The following PGGHG variants were observed in gnomAD, a reference collection of about 807,000 sequenced individuals.
The protein encoded by PGGHG is protein-glucosylgalactosylhydroxylysine glucosidase.
A neutral mutation model predicts 74.5 loss-of-function variants in PGGHG; 67 were observed. The ratio of observed to expected loss-of-function variants is 0.90; its 90% CI spans 0.74 to 1.10. The LOEUF is 1.10. PGGHG is among the 50% of genes least tolerant of loss of function. PGGHG has a pLI of 0.00. For missense variants in PGGHG, 1,034 were observed against 981.5 expected (o/e 1.05, Z -0.72); for synonymous variants, 496 against 419.9 (o/e 1.18, Z -2.21).
rs537453370 is a variant in PGGHG, at chr11:295,714, T to G, written c.*965T>G. 4.6e-5 allele frequency: 7 copies of G among 152,470 alleles called. No individual in the cohort carries two copies. Among genetic ancestry groups the G allele is most frequent in the African/African-American group, 1.7e-4 (7 of 41,584 alleles). 9.4% of individuals were successfully genotyped at this position (152,470 alleles called of 1,614,324 possible). A position where few individuals can be genotyped will look rare whatever the true frequency, so the allele number is the denominator to read the frequency against. ...GGAGCCGCTGTGCTTCCTTCTGAAG[T>G]GAGGGCCGTGCCCCGGGTCCCATTT... On this transcript the variant is annotated 3_prime_UTR_variant, in exon 14 of 14. Coordinates refer to ENST00000409548, the MANE Select transcript of PGGHG (RefSeq NM_025092.5).
In PGGHG at chr11:290,514, G is replaced by GT; in HGVS notation, c.384_385insT (p.Pro129SerfsTer24). On this transcript the variant is annotated frameshift_variant, in exon 3 of 14. Transcript: ENST00000409548. LOFTEE classifies it high-confidence loss of function. ...TCGCCCGCCTGGCCCCGGGGAGCGG[G>GT]CCCATCACGCTGCTCCTGCGGTCAG... 6.4e-7 allele frequency: 1 copy of GT among 1,550,480 alleles called. No individual in the cohort carries two copies. Among genetic ancestry groups the GT allele is most frequent in the Non-Finnish European group, 8.7e-7 (1 of 1,146,982 alleles).
intron 4 of PGGHG, 139 bp from the exon 5 acceptor site, chr11:291,837 G>A: frequency 2.4e-6 from 3 of 1,241,756 alleles, no homozygotes; most frequent in Non-Finnish European, 3.2e-6. Context: ...AGGTGGGGAG[G>A]GCCTGCAGAT....
chr11:293,388 G>T lies in PGGHG; in HGVS notation c.1366G>T (p.Ala456Ser). ...QNSLRFAAAL[A>S]QDLGLPIPSQ... is the part of the protein sequence containing the mutation. The stretch of plus-strand genomic sequence containing the variant: ...CAGCCTGCGCTTTGCTGCTGCCCTG[G>T]CCCAGGACCTGGGTCTTCCCATCCC... The change falls in exon 9 of 14, where the codon GCC becomes TCC. Residue 456 changes from alanine (A) to serine (S), a missense_variant. Ala to Ser is a moderately conservative substitution (Grantham distance 99). Coordinates refer to ENST00000409548, the MANE Select transcript of PGGHG (RefSeq NM_025092.5). 6.2e-7 allele frequency: 1 copy of T among 1,612,360 alleles called. No homozygotes were observed. Among genetic ancestry groups the T allele is most frequent in the East Asian group, 2.2e-5 (1 of 44,864 alleles).
Position 295,052 on chromosome 11 carries a change from G to A in PGGHG, c.*303G>A. On this transcript the variant is annotated 3_prime_UTR_variant, in exon 14 of 14. Coordinates refer to ENST00000409548, the MANE Select transcript of PGGHG (RefSeq NM_025092.5). The stretch of plus-strand genomic sequence containing the variant: ...GCTCCTGAAGCCGGGGTCTGAGCCT[G>A]CATCACCTCTGGCCTCTCATCCCCC... The A allele has an allele frequency of 3.5e-6, 1 of 283,302 alleles. No homozygotes were observed. Among genetic ancestry groups the A allele is most frequent in the Non-Finnish European group, 6.6e-6 (1 of 151,838 alleles). 17.5% of individuals were successfully genotyped at this position (283,302 alleles called of 1,614,324 possible). A position where few individuals can be genotyped will look rare whatever the true frequency, so the allele number is the denominator to read the frequency against.
In PGGHG at chr11:290,888, GTAT is replaced by G; in HGVS notation, c.682_684del (p.Tyr228del). On this transcript the variant is annotated inframe_deletion, in exon 4 of 14. Coordinates refer to ENST00000409548, the MANE Select transcript of PGGHG (RefSeq NM_025092.5). ...TGCAGCTGCAGGCCAGGGGAGCTCT[GTAT>G]ACGGCTCACGCACAGGCCTGGGCCC... The G allele has an allele frequency of 1.2e-6, 2 of 1,611,934 alleles. No individual in the cohort carries two copies. Among genetic ancestry groups the G allele is most frequent in the Non-Finnish European group, 1.7e-6 (2 of 1,179,426 alleles).
In PGGHG at chr11:293,361, T is replaced by C; in HGVS notation, c.1344-5T>C. The C allele has an allele frequency of 6.3e-7, 1 of 1,596,486 alleles. No homozygotes were observed. Among genetic ancestry groups the C allele is most frequent in the African/African-American group, 1.4e-5 (1 of 73,496 alleles). The stretch of plus-strand genomic sequence containing the variant: ...GCAGCCTCCCCCACCTACCTCCACC[T>C]CCAGCCTGCGCTTTGCTGCTGCCCT... On this transcript the variant is annotated splice_polypyrimidine_tract_variant and splice_region_variant and intron_variant, in intron 8 of 13. Transcript: ENST00000409548.
In PGGHG at chr11:294,098, G is replaced by T. The variant is rs745598015; in HGVS notation, c.1711-1G>T. On this transcript the variant is annotated splice_acceptor_variant, in intron 11 of 13. Transcript: ENST00000409548. LOFTEE classifies it high-confidence loss of function. ...GGTGTCAGCTGCCCTTGCCCCTGCA[G>T]GTGTGGACGGAGAATGCAGACGGGT... 1.2e-6 allele frequency: 2 copies of T among 1,605,294 alleles called. No individual in the cohort carries two copies. Among genetic ancestry groups the T allele is most frequent in the Non-Finnish European group, 1.7e-6 (2 of 1,175,206 alleles).
Position 289,842 on chromosome 11 carries a change from C to T in PGGHG, c.26C>T (p.Thr9Ile), listed in dbSNP as rs1257385726. MEDAGEDP[T>I]TFAAHSLPSD... ...ATGGAGGACGCCGGCGAGGACCCCA[C>T]CACGTTTGCTGCCCACTCTCTGCCC... Residue 9 changes from threonine (T) to isoleucine (I), a missense_variant, in exon 2 of 14, where the codon ACC (threonine) becomes ATC (isoleucine). Thr to Ile is a moderately conservative substitution (Grantham distance 89, BLOSUM62 -1). Coordinates refer to ENST00000409548, the MANE Select transcript of PGGHG (RefSeq NM_025092.5). This position sits in a 1 kb window ranked among gnomAD's most constrained non-coding sequence, Gnocchi z 5.6. The T allele has an allele frequency of 1.3e-6, 2 of 1,550,930 alleles. No individual in the cohort carries two copies. Among genetic ancestry groups the T allele is most frequent in the Middle Eastern group, 1.7e-4 (1 of 5,958 alleles).
At position 290,483 on chromosome 11, in the gene PGGHG, T is replaced by C. The variant is rs1456753252; in HGVS notation, c.353T>C (p.Val118Ala). The change falls in exon 3 of 14, where the codon GTG becomes GCG. Residue 118 changes from valine to alanine, a missense_variant. Coordinates refer to ENST00000409548, the MANE Select transcript of PGGHG (RefSeq NM_025092.5). ...CTGCCCCACGTGCTGGCTTTCCGAGTGTCCATCGCCCGCCTGGCCCCGGGG... is the reference window on the plus strand; with the variant it reads ...CTGCCCCACGTGCTGGCTTTCCGAGCGTCCATCGCCCGCCTGGCCCCGGGG... Reference protein sequence around the residue: ...RTLPHVLAFRVSIARLAPGSG... With the variant: ...RTLPHVLAFRASIARLAPGSG... The C allele has an allele frequency of 1.3e-6, 2 of 1,550,140 alleles. No individual in the cohort carries two copies. The highest frequency in any genetic ancestry group is 1.7e-6 in the Non-Finnish European group (2 of 1,146,928).
Position 290,008 on chromosome 11 carries a change from C to T in PGGHG, c.192C>T (p.Val64=), listed in dbSNP as rs997047059. The change falls in exon 2 of 14, where the codon GTC becomes GTT. Residue 64 remains valine, a synonymous_variant. Transcript: ENST00000409548. ...HRAMLPSPLN[V]RLEAPAGMGE... is the part of the protein sequence containing the mutation. ...CCATGCTGCCCAGCCCCCTCAACGT[C>T]CGGCTGGAGGCCCCTGCAGGGATGG... The T allele has an allele frequency of 6.5e-7, 1 of 1,547,694 alleles. No individual in the cohort carries two copies. Among genetic ancestry groups the T allele is most frequent in the Admixed American group, 2.0e-5 (1 of 50,994 alleles).
rs1845828903 is a variant in PGGHG, at chr11:294,698, G to C, written c.2163G>C (p.Leu721=). ...DPLQSPLWVT[L]GSSSPTESLT... is the part of the protein sequence containing the mutation. ...TCCAGAGCCCCCTCTGGGTCACCCT[G>C]GGTTCCTCCAGCCCCACCGAGTCAC... Residue 721 remains leucine (L), a synonymous_variant, in exon 14 of 14, where the codon CTG becomes CTC. Transcript: ENST00000409548. 1.9e-6 allele frequency: 3 copies of C among 1,612,972 alleles called. No individual in the cohort carries two copies. Among genetic ancestry groups the C allele is most frequent in the Non-Finnish European group, 2.5e-6 (3 of 1,179,696 alleles).
In PGGHG at chr11:295,107, C is replaced by T. The variant is rs1215392805; in HGVS notation, c.*358C>T. ...TCCTGAGAGCAGTGGTCACAGCGGC[C>T]GGCCGCTCTGCTGAGAAGGCAGAGA... On this transcript the variant is annotated 3_prime_UTR_variant, in exon 14 of 14. Coordinates refer to ENST00000409548, the MANE Select transcript of PGGHG (RefSeq NM_025092.5). 2.1e-5 allele frequency: 4 copies of T among 194,612 alleles called. No homozygotes were observed. Among genetic ancestry groups the T allele is most frequent in the South Asian group, 3.7e-4 (2 of 5,394 alleles). 12.1% of individuals were successfully genotyped at this position (194,612 alleles called of 1,614,324 possible). A position where few individuals can be genotyped will look rare whatever the true frequency, so the allele number is the denominator to read the frequency against.
intron 4 of PGGHG, chr11:291,574 G>T (rs1590285239): frequency 3.9e-6 from 1 of 257,376 alleles, no homozygotes. Context: ...GATGGCTGCT[G>T]GGCGTGGAGG....
chr11:294,642 G>C lies in PGGHG; in HGVS notation c.2107G>C (p.Gly703Arg). 1 of 1,552,478 alleles carries C rather than the reference G, an allele frequency of 6.4e-7. No individual in the cohort carries two copies. Among genetic ancestry groups the C allele is most frequent in the Non-Finnish European group, 8.7e-7 (1 of 1,144,742 alleles). ...LPGSSSSEFPGRTFSDVRDPL... is the reference protein window; with the variant it reads ...LPGSSSSEFPRRTFSDVRDPL... ...TGGAAGTTCCAGCTCCGAGTTCCCT[G>C]GGAGGACTTTTTCAGATGTTAGGGA... The change falls in exon 14 of 14, where the codon GGG becomes CGG. Residue 703 changes from glycine (G) to arginine (R), a missense_variant. Physicochemically the swap from Gly to Arg is moderately radical, Grantham distance 125 (BLOSUM62 -2). Coordinates refer to ENST00000409548, the MANE Select transcript of PGGHG (RefSeq NM_025092.5).
In PGGHG at chr11:291,267, G is replaced by A. The variant is rs930044049; in HGVS notation, c.906+154G>A. 1.3e-5 allele frequency: 12 copies of A among 951,900 alleles called. No individual in the cohort carries two copies. In the South Asian group the frequency reaches 1.4e-4, roughly 11 times the overall value. 59.0% of individuals were successfully genotyped at this position (951,900 alleles called of 1,614,324 possible). ...GAAGGTGTGCAGGAGTTTGGTAGAG[G>A]AGTGATCTAGGTGAGGGGAATGGAA... is the stretch of plus-strand genomic sequence containing the variant. On this transcript the variant is annotated intron_variant, in intron 4 of 13. Transcript: ENST00000409548.
chr11:294,773 G>A lies in PGGHG; in HGVS notation c.*24G>A, dbSNP rs763277834. Reference sequence around the variant, plus strand: ...AATCAGGAACGGTGGCTTCAGAGACGTCTCTTGGGCCTTCCCTCTGGCCAC... The same window carrying A: ...AATCAGGAACGGTGGCTTCAGAGACATCTCTTGGGCCTTCCCTCTGGCCAC... On this transcript the variant is annotated 3_prime_UTR_variant, in exon 14 of 14. Transcript: ENST00000409548. The A allele has an allele frequency of 1.4e-4, 218 of 1,569,012 alleles. 1 individual carries two copies. Among genetic ancestry groups the A allele is most frequent in the Admixed American group, 3.4e-4 (19 of 55,132 alleles).
chr11:290,547 C>T lies in PGGHG; in HGVS notation c.417C>T (p.Ser139=). 1.3e-6 allele frequency: 2 copies of T among 1,550,964 alleles called. No homozygotes were observed. The highest frequency in any genetic ancestry group is 1.7e-6 in the Non-Finnish European group (2 of 1,147,144). The change falls in exon 3 of 14, where the codon TCC becomes TCT. Residue 139 remains serine, a synonymous_variant. Transcript: ENST00000409548. ...PITLLLRSAF[S]PESPDLDLHQ... ...CGCTGCTCCTGCGGTCAGCCTTCTC[C>T]CCAGAAAGCCCAGACCTGGACCTGC...
intron 2 of PGGHG, 50 bp downstream of exon 2, chr11:290,125 C>G: frequency 2.0e-6 from 3 of 1,481,730 alleles, no homozygotes; most frequent in South Asian, 2.7e-5. Context: ...TGTTCCAGGT[C>G]GGTGGGGCAA....
In PGGHG at chr11:291,073, G is replaced by A; in HGVS notation, c.866G>A (p.Ser289Asn). 6.2e-7 allele frequency: 1 copy of A among 1,605,018 alleles called. No homozygotes were observed. The highest frequency in any genetic ancestry group is 8.5e-7 in the Non-Finnish European group (1 of 1,174,738). Residue 289 changes from serine (S) to asparagine (N), a missense_variant, in exon 4 of 14, where the codon AGC becomes AAC. Coordinates refer to ENST00000409548, the MANE Select transcript of PGGHG (RefSeq NM_025092.5). ...GLSPGGLSNG[S>N]REECYWGHVF... ...AGTCCTGGGGGCCTCTCCAATGGGA[G>A]CCGTGAGGAATGCTACTGGGGCCAC...
Sources: gnomAD v4.1 joint callset for allele counts on GRCh38, gnomAD v4.1.1 for gene constraint, Gnocchi (gnomAD v3.1) non-coding constraint, MANE v1.5 for transcripts, NCBI Gene and HGNC (gene_info 2026-07-23, HGNC 2026-07-21) for gene names.